REPS2: variants seen among roughly 807,000 people sequenced by gnomAD.
The protein encoded by REPS2 is RALBP1 associated Eps domain containing 2, also known as ralBP1-associated Eps domain-containing protein 2.
REPS2 carries 23 observed loss-of-function variants against 53.6 expected under a neutral mutation model. That is an observed-to-expected ratio of 0.43 (90% confidence interval 0.31 to 0.61). The LOEUF (loss-of-function observed/expected upper bound fraction) is 0.61. Among genes scored for constraint, REPS2 ranks in the 20% least tolerant of loss-of-function variants. The pLI, the probability that REPS2 is intolerant of heterozygous loss-of-function variation, is 0.11. For synonymous variants in REPS2, 238 were observed against 218.6 expected (o/e 1.09, Z -0.78); for missense variants, 446 against 534.9 (o/e 0.83, Z 1.64).
chrX:17,077,251 C>T lies in REPS2; in HGVS notation c.1380-20C>T. ...AAAGCTTTGCTATTTCGCTTCTGACCTTCCCTTATTTTGCTACAGATCTTA... is the reference window on the plus strand; with the variant it reads ...AAAGCTTTGCTATTTCGCTTCTGACTTTCCCTTATTTTGCTACAGATCTTA... On this transcript the variant is annotated intron_variant, in intron 12 of 17. Transcript: ENST00000357277. 1 of 1,158,949 alleles carries T rather than the reference C, an allele frequency of 8.6e-7. No homozygotes were observed. Among genetic ancestry groups the T allele is most frequent in the South Asian group, 2.0e-5 (1 of 48,909 alleles).
intron 13 of REPS2, among the ~76,000 whole-genome samples, chrX:17,081,277 A>G (rs2148002758): frequency 1.8e-5 from 2 of 111,843 alleles, no homozygotes; most frequent in African/African-American, 6.5e-5. Context: ...GAGAAGATGC[A>G]AAGAAAAATG....
the REPS2 span, among the ~76,000 whole-genome samples, chrX:17,179,950 ATTG>A: frequency 3.6e-5 from 4 of 112,260 alleles, no homozygotes; most frequent in Non-Finnish European, 5.6e-5. Flanking sequence ...GCTATGATGT[ATTG>A]TTAAGGTAGA....
At chrX:17,065,694 C>G (rs1439016042) in intron 9 of REPS2, among the ~76,000 whole-genome samples, 2 of 111,713 alleles carry the variant, frequency 1.8e-5, no homozygotes, top group East Asian at 5.6e-4. Context: ...TCAAGCAATT[C>G]TCCTGCCTCA....
Position 17,057,615 on chromosome X carries a change from G to T in REPS2, c.1114+2665G>T, listed in dbSNP as rs192440150. ...CTTAGATGCTTGGAAGACTCTCATG[G>T]GTCCCAGGAATTAGCTTGCAATTGA... On this transcript the variant is annotated intron_variant, in intron 8 of 17. Transcript: ENST00000357277. 2.4e-4 allele frequency among the ~76,000 whole-genome samples: 27 copies of T among 112,864 alleles called. No individual in the cohort carries two copies. In the East Asian group the frequency reaches 7.0e-3, roughly 29 times the overall value.
chrX:17,074,934 AAATTT>A (rs1390660568), intron 12 of REPS2, among the ~76,000 whole-genome samples: 4 of 111,976 alleles, frequency 3.6e-5, no homozygotes, highest in East Asian at 2.8e-4. Flanking sequence ...CTGAAAAAGT[AAATTT>A]AAGTCTGATC....
At chrX:17,193,943 A>G in the REPS2 span, among the ~76,000 whole-genome samples, 1 of 111,499 alleles carries the variant, frequency 9.0e-6, no homozygotes, top group Non-Finnish European at 1.9e-5. Flanking sequence ...ATTCTGATTT[A>G]TGGTAGGAAA....
chrX:17,048,109 A>T (rs755456374), intron 6 of REPS2, among the ~76,000 whole-genome samples: 25 of 112,820 alleles, frequency 2.2e-4, no homozygotes, highest in African/African-American at 7.7e-4. Context: ...ACTAACAGTG[A>T]AATAGTAGAG....
chrX:17,101,054 T>G (rs2062788521), intron 13 of REPS2, among the ~76,000 whole-genome samples: 1 of 108,735 alleles, frequency 9.2e-6, no homozygotes, highest in African/African-American at 3.4e-5. Flanking sequence ...TTCTTTTTCT[T>G]TCTTTTTTTT....
chrX:17,080,360 T>C (rs1569164885), intron 13 of REPS2, among the ~76,000 whole-genome samples: 1 of 107,416 alleles, frequency 9.3e-6, no homozygotes, highest in Non-Finnish European at 1.9e-5. Flanking sequence ...TCTGTTTCTC[T>C]TTTTGTCCTT....
chrX:16,992,630 G>T (rs1337394319), intron 1 of REPS2, among the ~76,000 whole-genome samples: 3 of 111,870 alleles, frequency 2.7e-5, no homozygotes, highest in Non-Finnish European at 5.6e-5. Context: ...AAGGTGAATG[G>T]TAGATGCAAG....
At chrX:17,158,098 A>AT (rs141819497), downstream of REPS2, among the ~76,000 whole-genome samples, 4,274 of 111,945 alleles carry the variant, frequency 0.038, 85 homozygotes, top group South Asian at 0.067. Context: ...CTTTTGTGTT[A>AT]TTTTTTAGTT....
rs1000485648 is a variant in REPS2 at position 17,033,802 on chromosome X, C to A, written c.771+4179C>A. Among the ~76,000 whole-genome samples, 3 of 112,290 alleles carry A rather than the reference C, an allele frequency of 2.7e-5. No homozygotes were observed. The Admixed American group carries it at 2.8e-4, about 11-fold the overall frequency. On this transcript the variant is annotated intron_variant, in intron 5 of 17. Transcript: ENST00000357277. ...TCCTGCTGACTTGATTGAAGCCTGTCCCTCTCTGCCCATGGCTCTTAACAT... is the reference window on the plus strand; with the variant it reads ...TCCTGCTGACTTGATTGAAGCCTGTACCTCTCTGCCCATGGCTCTTAACAT...
intron 1 of REPS2, among the ~76,000 whole-genome samples, chrX:16,954,924 G>T (rs772139788): frequency 3.9e-5 from 4 of 102,125 alleles, no homozygotes; most frequent in Non-Finnish European, 7.8e-5. Context: ...AGTTCTCCCT[G>T]CCTCAGCCTT....
chrX:17,050,198 T>TTTCTTTCTTC (rs2061977971), intron 6 of REPS2, among the ~76,000 whole-genome samples: 1 of 22,966 alleles, frequency 4.4e-5, no homozygotes, highest in Admixed American at 9.0e-4. Flanking sequence ...TTCTTTCTTT[T>TTTCTTTCTTC]TTTTTTTTTT....
chrX:17,054,467 T>C (rs2062040620), intron 7 of REPS2, among the ~76,000 whole-genome samples: 1 of 112,482 alleles, frequency 8.9e-6, no homozygotes, highest in Non-Finnish European at 1.9e-5. Context: ...TTTCACCCCA[T>C]GCAGCCTGCA....
rs200008733 is a variant in REPS2, at chrX:17,082,218, AG to A, written c.1516+4815del. 4.7e-3 allele frequency among the ~76,000 whole-genome samples: 526 copies of A among 111,875 alleles called. 1 individual carries two copies. Among genetic ancestry groups the A allele is most frequent in the African/African-American group, 0.017 (507 of 30,717 alleles). On this transcript the variant is annotated intron_variant, in intron 13 of 17. Transcript: ENST00000357277. ...AGTCATTGAGCATCTGCCTGGCAGAAGGGGCAGAGATGGTGTGGAGGAGACA... is the reference window on the plus strand; with the variant it reads ...AGTCATTGAGCATCTGCCTGGCAGAAGGGCAGAGATGGTGTGGAGGAGACA...
At chrX:17,020,716 C>G (rs1331986776) in intron 2 of REPS2, among the ~76,000 whole-genome samples, 1 of 110,241 alleles carries the variant, frequency 9.1e-6, no homozygotes, top group Non-Finnish European at 1.9e-5. Context: ...GCAACCTCCG[C>G]CTCCTGGGTT....
chrX:17,190,022 A>G, the REPS2 span, among the ~76,000 whole-genome samples: 1 of 112,162 alleles, frequency 8.9e-6, no homozygotes, highest in South Asian at 3.7e-4. Flanking sequence ...ACCTACACTG[A>G]CTGATGTAGT....
chrX:17,114,226 G>A (rs1234125623), intron 14 of REPS2, among the ~76,000 whole-genome samples: 1 of 112,001 alleles, frequency 8.9e-6, no homozygotes, highest in Non-Finnish European at 1.9e-5. Flanking sequence ...TCCCCAGTAG[G>A]GTTTTGAGAT....
Sources: gnomAD v4.1 joint callset for allele counts (sites outside exome capture counted in the v4.1 genomes callset) on GRCh38, gnomAD v4.1.1 for gene constraint, MANE v1.5 for transcripts, NCBI Gene and HGNC (gene_info 2026-07-23, HGNC 2026-07-21) for gene names.